Variants in KMT2C observed in about 807,000 individuals in gnomAD.
KMT2C encodes histone-lysine N-methyltransferase 2C.
Under a neutral mutation model 507.9 loss-of-function variants are expected in KMT2C, and 88 were observed. The observed-to-expected ratio is 0.17, with a 90% CI of 0.15 to 0.21. The LOEUF is 0.21. KMT2C is among the 10% of genes least tolerant of loss of function. KMT2C has a pLI of 1.00. For missense variants in KMT2C, 4,954 were observed against 5,957.8 expected, an observed-to-expected ratio of 0.83 and a Z score of 5.55; for synonymous variants, 2,049 against 2,080.8, an observed-to-expected ratio of 0.98 and a Z score of 0.42.
intron 1 of KMT2C, chr7:152,368,763 A>G: frequency 1.2e-6 from 1 of 840,766 alleles, no homozygotes; most frequent in Non-Finnish European, 1.9e-6. Context: ...TTTCATCCAT[A>G]ATGATGGATT....
intron 1 of KMT2C, among the ~76,000 whole-genome samples, chr7:152,409,986 T>C (rs2097664340): frequency 1.3e-5 from 2 of 152,252 alleles, no homozygotes; most frequent in East Asian, 3.8e-4. Flanking sequence ...GTGGAAAACC[T>C]TGAGAACTAA....
At chr7:152,195,519 T>C in intron 28 of KMT2C, 1 of 984,922 alleles carries the variant, frequency 1.0e-6, no homozygotes, top group Non-Finnish European at 1.2e-6. Context: ...CTCAGTTTCT[T>C]ACCAAATGGA....
chr7:152,242,883 C>A (rs1311078792), intron 14 of KMT2C, among the ~76,000 whole-genome samples: 7 of 152,244 alleles, frequency 4.6e-5, no homozygotes, highest in Non-Finnish European at 1.5e-5. Flanking sequence ...CAACCCCAGC[C>A]CCACACTCTT....
chr7:152,147,924 A>G, intron 52 of KMT2C, 109 bp downstream of exon 52: 2 of 1,194,390 alleles, frequency 1.7e-6, no homozygotes, highest in South Asian at 3.6e-5. Context: ...AATACACATT[A>G]TAAAATATAA....
chr7:152,144,611 T>C lies in KMT2C; in HGVS notation c.14343+102A>G. The C allele has an allele frequency of 8.7e-7, 1 of 1,154,068 alleles. No individual in the cohort carries two copies. Among genetic ancestry groups the C allele is most frequent in the Admixed American group, 2.0e-5 (1 of 49,520 alleles). The allele number at this position is 1,154,068 out of a possible 1,614,324, so 71.5% of individuals were successfully genotyped here. Reference sequence around the variant, plus strand: ...GATTTTGAAAACACGTTTCTGTCCCTGCAGCTATGTGAAATCATTTTCACA... The same window carrying C: ...GATTTTGAAAACACGTTTCTGTCCCCGCAGCTATGTGAAATCATTTTCACA... On this transcript the variant is annotated intron_variant, in intron 55 of 58. Transcript: ENST00000262189. The surrounding 1 kb of genome is among the most constrained non-coding windows in gnomAD (Gnocchi z 4.4).
intron 41 of KMT2C, among the ~76,000 whole-genome samples, chr7:152,167,634 C>T (rs2092789430): frequency 6.6e-6 from 1 of 152,174 alleles, no homozygotes; most frequent in Admixed American, 6.5e-5. Context: ...CAAATCCAAT[C>T]TTGGAAAAGC....
At chr7:152,165,793 A>G (rs1028160857) in intron 42 of KMT2C, among the ~76,000 whole-genome samples, 5 of 152,120 alleles carry the variant, frequency 3.3e-5, no homozygotes, top group African/African-American at 7.2e-5. Context: ...GATTCAAGCA[A>G]TTCTCCTGCC....
At chr7:152,252,436 G>T (rs2095576747) in intron 10 of KMT2C, 110 bp downstream of exon 10, 1 of 836,716 alleles carries the variant, frequency 1.2e-6, no homozygotes, top group Non-Finnish European at 1.9e-6. Context: ...AATCAGTACT[G>T]ATGGAATTGC....
At chr7:152,204,287 G>A (rs1273442904) in intron 25 of KMT2C, among the ~76,000 whole-genome samples, 3 of 152,108 alleles carry the variant, frequency 2.0e-5, no homozygotes, top group Non-Finnish European at 4.4e-5. Context: ...AACAGAGGAA[G>A]ACTGTCTCAA....
At chr7:152,237,072 CTAAT>C (rs1187380450) in intron 15 of KMT2C, among the ~76,000 whole-genome samples, 1 of 152,060 alleles carries the variant, frequency 6.6e-6, no homozygotes, top group African/African-American at 2.4e-5. Context: ...CTTGTTTGTA[CTAAT>C]TAATTACTCC....
chr7:152,194,633 C>G, intron 28 of KMT2C, 65 bp from the exon 29 acceptor site: 2 of 1,240,332 alleles, frequency 1.6e-6, no homozygotes, highest in Non-Finnish European at 2.4e-6. Context: ...ATGTATAGCA[C>G]TATTTACCTG....
chr7:152,307,415 AAAAC>A (rs1391296074), intron 6 of KMT2C, among the ~76,000 whole-genome samples: 2 of 151,988 alleles, frequency 1.3e-5, no homozygotes, highest in Non-Finnish European at 2.9e-5. Flanking sequence ...GAAGAAGGAC[AAAAC>A]AAACAACCGT....
At chr7:152,384,087 A>G (rs111413979) in intron 1 of KMT2C, among the ~76,000 whole-genome samples, 6 of 151,914 alleles carry the variant, frequency 3.9e-5, no homozygotes, top group South Asian at 2.1e-4. Flanking sequence ...CATGTAGATG[A>G]AGGAGGAATC....
rs767480944 is a variant in KMT2C, at chr7:152,180,010, G to C, written c.7266C>G (p.His2422Gln). The change falls in exon 37 of 59, where the codon CAC becomes CAG. Residue 2422 changes from histidine (H) to glutamine (Q), a missense_variant. This residue lies in a region of KMT2C where 1,689 missense variants were observed against 1,654.3 expected (regional missense o/e 1.02). Coordinates refer to ENST00000262189, the MANE Select transcript of KMT2C (RefSeq NM_170606.3). ...CCTGGTTAACATTCTCTGGTTGCCA[G>C]TGTTGAAGAGGCCCTGGATGAGGCA... ...PAVPHPGPLQ[H>Q]WQPENVNQAF... 3 of 1,614,202 alleles carry C rather than the reference G, an allele frequency of 1.9e-6. No homozygotes were observed.
chr7:152,367,944 C>T lies in KMT2C; in HGVS notation c.162-9269G>A. 5 of 948,068 alleles carry T rather than the reference C, an allele frequency of 5.3e-6. No homozygotes were observed. The South Asian group carries it at 6.6e-5, about 13-fold the overall frequency. 58.7% of individuals were successfully genotyped at this position (948,068 alleles called of 1,614,324 possible). ...CCAACTTATTGCCAAAGCAGACACACTTATACCAGAGGAATGCCAACAGTT... is the reference window on the plus strand; with the variant it reads ...CCAACTTATTGCCAAAGCAGACACATTTATACCAGAGGAATGCCAACAGTT... On this transcript the variant is annotated intron_variant, in intron 1 of 58. Coordinates refer to ENST00000262189, the MANE Select transcript of KMT2C (RefSeq NM_170606.3).
At chr7:152,429,437 C>A (rs1176848013) in intron 1 of KMT2C, among the ~76,000 whole-genome samples, 1 of 152,086 alleles carries the variant, frequency 6.6e-6, no homozygotes, top group Non-Finnish European at 1.5e-5. Context: ...ATTTGTTTCT[C>A]TCAACTTGTG....
At chr7:152,303,945 G>A (rs527288217) in intron 6 of KMT2C, among the ~76,000 whole-genome samples, 6 of 152,084 alleles carry the variant, frequency 3.9e-5, no homozygotes, top group Admixed American at 6.5e-5. Flanking sequence ...CTGAGATTGC[G>A]CCACTGCAAT....
At chr7:152,370,652 G>GTAA (rs1157296895) in intron 1 of KMT2C, among the ~76,000 whole-genome samples, 3 of 152,126 alleles carry the variant, frequency 2.0e-5, no homozygotes, top group Non-Finnish European at 4.4e-5. Flanking sequence ...CATAAGAAGA[G>GTAA]TAATATACCA....
At chr7:152,231,500 G>A (rs1199546470) in intron 16 of KMT2C, among the ~76,000 whole-genome samples, 1 of 152,298 alleles carries the variant, frequency 6.6e-6, no homozygotes, top group Non-Finnish European at 1.5e-5. Context: ...AGATTAACCA[G>A]CTGGGTGTGG....
Sources: gnomAD v4.1 joint callset for allele counts (sites outside exome capture counted in the v4.1 genomes callset) on GRCh38, gnomAD v4.1.1 for gene constraint, gnomAD v4.1.1 regional missense constraint, Gnocchi (gnomAD v3.1) non-coding constraint, MANE v1.5 for transcripts, NCBI Gene and HGNC (gene_info 2026-07-23, HGNC 2026-07-21) for gene names.